Variants in CRISP3 observed in about 807,000 individuals in gnomAD.
CRISP3 encodes cysteine rich secretory protein 3.
In CRISP3, 33 loss-of-function variants were observed where a neutral mutation model predicts 36.1. The ratio of observed to expected loss-of-function variants is 0.91; its 90% confidence interval spans 0.69 to 1.22. The LOEUF (loss-of-function observed/expected upper bound fraction) is 1.22. Ranked by LOEUF, CRISP3 falls within the 50% of genes most tolerant of loss-of-function variation. CRISP3 has a pLI of 0.00. For missense variants in CRISP3, 330 were observed against 301.2 expected, an observed-to-expected ratio of 1.10 and a Z score of -0.71; for synonymous variants, 117 against 104.6, an observed-to-expected ratio of 1.12 and a Z score of -0.72.
chr6:49,735,467 GT>G, intron 4 of CRISP3, 36 bp downstream of exon 4: 1 of 1,459,058 alleles, frequency 6.9e-7, no homozygotes, highest in Non-Finnish European at 9.5e-7. Context: ...TATTTTACTT[GT>G]TGATTTATTC....
chr6:49,728,914 A>G, intron 7 of CRISP3, 57 bp from the exon 8 acceptor site: 1 of 1,526,178 alleles, frequency 6.6e-7, no homozygotes, highest in Non-Finnish European at 8.9e-7. Context: ...CATAACAGCA[A>G]CACAAACAAA....
chr6:49,735,450 G>C (rs914593892), intron 4 of CRISP3, 54 bp downstream of exon 4: 1 of 1,357,470 alleles, frequency 7.4e-7, no homozygotes. Flanking sequence ...ATCATAACAT[G>C]GTTTATTATT....
At chr6:49,732,363 C>T (rs1768934451) in intron 6 of CRISP3, among the ~76,000 whole-genome samples, 1 of 152,148 alleles carries the variant, frequency 6.6e-6, no homozygotes, top group South Asian at 2.1e-4. Flanking sequence ...TATCTACAGC[C>T]TCAAAATAAG....
In CRISP3 at chr6:49,727,416, G is replaced by A. The variant is rs1768791498; in HGVS notation, c.*1314C>T. The A allele has an allele frequency of 6.6e-6, 1 of 151,888 alleles. No individual in the cohort carries two copies. Among genetic ancestry groups the A allele is most frequent in the South Asian group, 2.1e-4 (1 of 4,824 alleles). 9.4% of individuals were successfully genotyped at this position (151,888 alleles called of 1,614,324 possible). A position where few individuals can be genotyped will look rare whatever the true frequency, so the allele number is the denominator to read the frequency against. On this transcript the variant is annotated 3_prime_UTR_variant, in exon 8 of 8. Coordinates refer to ENST00000263045, the MANE Select transcript of CRISP3 (RefSeq NM_006061.4). ...CTTTTTATTTTGCATTGCTTTCTTA[G>A]ACTTACCGAAAATTTGGTAAGATAG...
At chr6:49,733,330 A>T (rs1299847397) in intron 5 of CRISP3, 38 bp from the exon 6 acceptor site, 2 of 1,327,996 alleles carry the variant, frequency 1.5e-6, no homozygotes, top group Non-Finnish European at 2.1e-6. Context: ...AGCACATTAG[A>T]GAAGAAGGAA....
At chr6:49,735,671 G>T in intron 3 of CRISP3, 80 bp from the exon 4 acceptor site, 1 of 1,004,374 alleles carries the variant, frequency 1.0e-6, no homozygotes, top group Non-Finnish European at 1.5e-6. Context: ...CAGGTTATAG[G>T]TTGATTTACA....
At chr6:49,742,902 G>T (rs1346429671) in intron 1 of CRISP3, among the ~76,000 whole-genome samples, 9 of 152,106 alleles carry the variant, frequency 5.9e-5, no homozygotes, top group Non-Finnish European at 1.3e-4. Context: ...GATGTCAAAA[G>T]CATTAACACA....
rs534517664 is a variant in CRISP3, at chr6:49,728,153, A to G, written c.*577T>C. The G allele has an allele frequency of 6.6e-6, 1 of 152,312 alleles. No homozygotes were observed. The highest frequency in any genetic ancestry group is 6.5e-5 in the Admixed American group (1 of 15,294). 9.4% of individuals were successfully genotyped at this position (152,312 alleles called of 1,614,324 possible). On this transcript the variant is annotated 3_prime_UTR_variant, in exon 8 of 8. Transcript: ENST00000263045. ...GCAGATAAAAAATTCAAAGGATTGTATTGATTTTGGCAAAATAAAAGTCAG... is the reference window on the plus strand; with the variant it reads ...GCAGATAAAAAATTCAAAGGATTGTGTTGATTTTGGCAAAATAAAAGTCAG...
At chr6:49,741,611 GTT>G (rs375461364) in intron 1 of CRISP3, among the ~76,000 whole-genome samples, 6,492 of 112,934 alleles carry the variant, frequency 0.057, 161 homozygotes, top group Middle Eastern at 0.091. Flanking sequence ...CCTGTATGTA[GTT>G]TTTTTTTTTT....
rs1768812930 is a variant in CRISP3, at chr6:49,728,094, T to A, written c.*636A>T. On this transcript the variant is annotated 3_prime_UTR_variant, in exon 8 of 8. Coordinates refer to ENST00000263045, the MANE Select transcript of CRISP3 (RefSeq NM_006061.4). ...GTCAAAGAGAAGAGAGGTTTAAAAA[T>A]GAAGGTTTGATCATATTCTACTGTA... is the stretch of plus-strand genomic sequence containing the variant. 6.6e-6 allele frequency: 1 copy of A among 152,150 alleles called. No homozygotes were observed. Among genetic ancestry groups the A allele is most frequent in the Admixed American group, 6.5e-5 (1 of 15,268 alleles). The allele number at this position is 152,150 out of a possible 1,614,324, so 9.4% of individuals were successfully genotyped here. A position where few individuals can be genotyped will look rare whatever the true frequency, so the allele number is the denominator to read the frequency against.
intron 1 of CRISP3, among the ~76,000 whole-genome samples, chr6:49,740,575 ATG>A (rs35601509): frequency 0.29 from 41,494 of 141,196 alleles, 5,878 homozygotes; most frequent in East Asian, 0.52. Flanking sequence ...GTGTATATGG[ATG>A]TGTGTGTGTG....
At chr6:49,738,869 G>C (rs552754423) in intron 1 of CRISP3, among the ~76,000 whole-genome samples, 1 of 152,090 alleles carries the variant, frequency 6.6e-6, no homozygotes, top group Non-Finnish European at 1.5e-5. Context: ...GACTTTGCTG[G>C]TATCCATTTG....
intron 1 of CRISP3, among the ~76,000 whole-genome samples, chr6:49,740,146 CCTT>C: frequency 6.6e-6 from 1 of 152,234 alleles, no homozygotes; most frequent in East Asian, 1.9e-4. Flanking sequence ...ACATACTGTG[CCTT>C]CTTCACACTG....
At chr6:49,730,706 A>G (rs917436409) in intron 7 of CRISP3, among the ~76,000 whole-genome samples, 1 of 152,154 alleles carries the variant, frequency 6.6e-6, no homozygotes, top group African/African-American at 2.4e-5. Flanking sequence ...TACATTGCAA[A>G]TGATACATAG....
chr6:49,734,547 G>A (rs943406166), intron 4 of CRISP3, among the ~76,000 whole-genome samples: 6 of 152,118 alleles, frequency 3.9e-5, no homozygotes, highest in Non-Finnish European at 8.8e-5. Flanking sequence ...AACAAGGAAT[G>A]TCTACATGCT....
intron 6 of CRISP3, 57 bp from the exon 7 acceptor site, chr6:49,731,308 C>T (rs916914825): frequency 2.7e-6 from 3 of 1,130,972 alleles, no homozygotes; most frequent in East Asian, 4.9e-5. Context: ...CGTTTATGTT[C>T]CAAGGTTAGT....
At chr6:49,733,351 A>G in intron 5 of CRISP3, 59 bp from the exon 6 acceptor site, 2 of 1,143,580 alleles carry the variant, frequency 1.7e-6, no homozygotes. Context: ...ATACCAAAAA[A>G]CAAATAGTAG....
chr6:49,732,689 G>A (rs1188374042), intron 6 of CRISP3, among the ~76,000 whole-genome samples: 2 of 152,236 alleles, frequency 1.3e-5, no homozygotes, highest in African/African-American at 4.8e-5. Context: ...TCTCTTAAAA[G>A]TCTTTGAGGT....
chr6:49,742,693 G>T (rs1021627004), intron 1 of CRISP3, among the ~76,000 whole-genome samples: 17 of 151,224 alleles, frequency 1.1e-4, no homozygotes, highest in Admixed American at 9.2e-4. Flanking sequence ...GAATTAATTG[G>T]GTTATCTTTT....
Sources: gnomAD v4.1 joint callset for allele counts (sites outside exome capture counted in the v4.1 genomes callset) on GRCh38, gnomAD v4.1.1 for gene constraint, MANE v1.5 for transcripts, NCBI Gene and HGNC (gene_info 2026-07-23, HGNC 2026-07-21) for gene names.